Variants in ACSF3 observed in about 807,000 individuals in gnomAD.
ACSF3 encodes acyl-CoA synthetase family member 3, also known as malonate--CoA ligase ACSF3, mitochondrial.
A neutral mutation model predicts 53.2 loss-of-function variants in ACSF3; 78 were observed. The ratio of observed to expected loss-of-function variants is 1.47; its 90% CI spans 1.22 to 1.77. The LOEUF is 1.77. Ranked by LOEUF, ACSF3 falls within the 40% of genes most tolerant of loss-of-function variation. The pLI, the probability that ACSF3 is intolerant of heterozygous loss-of-function variation, is 0.00. For missense variants in ACSF3, 937 were observed against 771.1 expected (o/e 1.22, Z -2.55); for synonymous variants, 414 against 333.1 (o/e 1.24, Z -2.65).
intron 7 of ACSF3, among the ~76,000 whole-genome samples, chr16:89,129,133 C>T (rs937733858): frequency 5.3e-5 from 8 of 152,058 alleles, no homozygotes; most frequent in Non-Finnish European, 8.8e-5. Context: ...GTGTCCTGCT[C>T]GTTTTAGGAA....
chr16:89,114,539 C>G (rs778868574), intron 6 of ACSF3, 52 bp downstream of exon 6: 6 of 1,601,992 alleles, frequency 3.7e-6, no homozygotes, highest in South Asian at 2.2e-5. Flanking sequence ...TCTGAGCCCC[C>G]CAAGGTGGGC....
intron 10 of ACSF3, among the ~76,000 whole-genome samples, chr16:89,147,288 T>A (rs182890951): frequency 2.7e-3 from 82 of 30,588 alleles, no homozygotes; most frequent in East Asian, 4.4e-3. Flanking sequence ...GGGGCCACAG[T>A]GTGAGTGAGG....
chr16:89,101,989 G>A (rs1048014347), intron 3 of ACSF3, among the ~76,000 whole-genome samples: 2 of 152,172 alleles, frequency 1.3e-5, no homozygotes, highest in African/African-American at 2.4e-5. Context: ...GACGGGCTCT[G>A]GACTCCTCTG....
intron 1 of ACSF3, among the ~76,000 whole-genome samples, chr16:89,094,997 G>A (rs1191820921): frequency 6.6e-6 from 1 of 152,260 alleles, no homozygotes; most frequent in Non-Finnish European, 1.5e-5. Flanking sequence ...ATAGGAACAC[G>A]AATTGTGTCT....
chr16:89,102,528 T>G, intron 3 of ACSF3, 76 bp from the exon 4 acceptor site: 1 of 1,576,358 alleles, frequency 6.3e-7, no homozygotes. Context: ...CTCCTTTCCG[T>G]GAGCCCGAGG....
At chr16:89,121,132 G>C (rs987352426) in intron 7 of ACSF3, among the ~76,000 whole-genome samples, 3 of 152,274 alleles carry the variant, frequency 2.0e-5, no homozygotes, top group African/African-American at 7.2e-5. Flanking sequence ...AGAGCAGTGG[G>C]CAGAGGGAGC....
chr16:89,107,011 C>T (rs934609605), intron 4 of ACSF3, among the ~76,000 whole-genome samples: 3 of 152,224 alleles, frequency 2.0e-5, no homozygotes, highest in South Asian at 2.1e-4. Context: ...CTGCCCTGGC[C>T]GACTTCCTCA....
chr16:89,130,135 A>G (rs1598028519), intron 7 of ACSF3, among the ~76,000 whole-genome samples: 1 of 152,250 alleles, frequency 6.6e-6, no homozygotes. Context: ...GACATTCTAT[A>G]GGAATTCTTT....
At chr16:89,135,370 G>A (rs1032861569) in intron 8 of ACSF3, among the ~76,000 whole-genome samples, 1 of 152,248 alleles carries the variant, frequency 6.6e-6, no homozygotes, top group Non-Finnish European at 1.5e-5. Flanking sequence ...ATGTGCTGCT[G>A]TGAGGCAGGT....
chr16:89,099,374 C>G (rs1034281177), intron 2 of ACSF3, among the ~76,000 whole-genome samples: 1 of 152,234 alleles, frequency 6.6e-6, no homozygotes, highest in African/African-American at 2.4e-5. Flanking sequence ...TCCCAGGGAG[C>G]CCTCGCTTCC....
chr16:89,118,869 C>G (rs181970649), intron 6 of ACSF3, among the ~76,000 whole-genome samples: 1 of 152,214 alleles, frequency 6.6e-6, no homozygotes, highest in African/African-American at 2.4e-5. Context: ...CAGTGCCCCC[C>G]ACCTGCCTGC....
At position 89,154,702 on chromosome 16, in the gene ACSF3, G is replaced by C. The variant is rs1211297171; in HGVS notation, c.*495G>C. ...GGGGGCCCTCCTGGGAGGAGCTGAG[G>C]GTTCACAAGCCTCCCAGAACCAGCC... On this transcript the variant is annotated 3_prime_UTR_variant, in exon 11 of 11. Transcript: ENST00000614302. 5 of 454,234 alleles carry C rather than the reference G, an allele frequency of 1.1e-5. No homozygotes were observed. Among genetic ancestry groups the C allele is most frequent in the South Asian group, 7.8e-5 (5 of 64,478 alleles). The allele number at this position is 454,234 out of a possible 1,614,324, so 28.1% of individuals were successfully genotyped here.
chr16:89,113,946 G>A (rs551200924), intron 5 of ACSF3: 284 of 346,530 alleles, frequency 8.2e-4, no homozygotes, highest in Non-Finnish European at 3.8e-4. Context: ...AGCCTGCAGC[G>A]CCGTGGCTGT....
chr16:89,096,332 G>T (rs1427665089), intron 1 of ACSF3, among the ~76,000 whole-genome samples: 1 of 152,192 alleles, frequency 6.6e-6, no homozygotes, highest in African/African-American at 2.4e-5. Context: ...CACGGTAGAA[G>T]GGGTCCCAGT....
intron 8 of ACSF3, among the ~76,000 whole-genome samples, chr16:89,140,676 C>T (rs965759554): frequency 6.6e-6 from 1 of 152,152 alleles, no homozygotes; most frequent in Admixed American, 6.5e-5. Context: ...TCTTATCTTG[C>T]GTGCGGGTCA....
intron 7 of ACSF3, among the ~76,000 whole-genome samples, chr16:89,129,187 T>C (rs1195805004): frequency 6.6e-6 from 1 of 152,176 alleles, no homozygotes; most frequent in Non-Finnish European, 1.5e-5. Context: ...ATCGTGTTGT[T>C]CAGTTCTTCT....
At chr16:89,114,296 C>T in intron 5 of ACSF3, 43 bp from the exon 6 acceptor site, 1 of 1,612,378 alleles carries the variant, frequency 6.2e-7, no homozygotes, top group Non-Finnish European at 8.5e-7. Flanking sequence ...ACGCGAGAGC[C>T]ACGTCCCAAG....
Position 89,154,076 on chromosome 16 carries a change from G to A in ACSF3, c.1614-14G>A. On this transcript the variant is annotated splice_polypyrimidine_tract_variant and intron_variant, in intron 10 of 10. Transcript: ENST00000614302. The stretch of plus-strand genomic sequence containing the variant: ...GTCAGGGCAGTGCGCCTCAGGCTGT[G>A]CTTGTCTCTGCAGAAATGTCCTGGC... The A allele has an allele frequency of 1.9e-6, 3 of 1,611,392 alleles. No individual in the cohort carries two copies. Among genetic ancestry groups the A allele is most frequent in the Middle Eastern group, 1.7e-4 (1 of 6,056 alleles).
rs1049147460 is a variant in ACSF3, at chr16:89,140,996, C to G, written c.1367-4271C>G. 4 of 1,167,036 alleles carry G rather than the reference C, an allele frequency of 3.4e-6. No individual in the cohort carries two copies. In the African/African-American group the frequency reaches 6.3e-5, roughly 19 times the overall value. The allele number at this position is 1,167,036 out of a possible 1,614,324, so 72.3% of individuals were successfully genotyped here. Reference sequence around the variant, plus strand: ...TGGCAGCCGACTCCGATTCCAGAATCGATGCATTTTGATAAATAGGTTGTT... The same window carrying G: ...TGGCAGCCGACTCCGATTCCAGAATGGATGCATTTTGATAAATAGGTTGTT... On this transcript the variant is annotated intron_variant, in intron 8 of 10. Transcript: ENST00000614302.
Sources: gnomAD v4.1 joint callset for allele counts (sites outside exome capture counted in the v4.1 genomes callset) on GRCh38, gnomAD v4.1.1 for gene constraint, MANE v1.5 for transcripts, NCBI Gene and HGNC (gene_info 2026-07-23, HGNC 2026-07-21) for gene names.